Variants in KCNN3 observed in about 807,000 individuals in gnomAD.
KCNN3 encodes the protein potassium calcium-activated channel subfamily N member 3.
In KCNN3, 16 loss-of-function variants were observed where a neutral mutation model predicts 62.9. The observed-to-expected ratio is 0.25, with a 90% CI of 0.17 to 0.39. The LOEUF is 0.39. Ranked by LOEUF, KCNN3 falls within the 10% of genes least tolerant of loss-of-function variation. The probability of loss-of-function intolerance (pLI) is 1.00; values close to 1 mark genes in which losing one functional copy is unlikely to be tolerated. For synonymous variants in KCNN3, 370 were observed against 389.2 expected (o/e 0.95, Z 0.58); for missense variants, 599 against 949.4 (o/e 0.63, Z 4.85).
intron 2 of KCNN3, among the ~76,000 whole-genome samples, chr1:154,777,039 T>C (rs1220831291): frequency 1.3e-5 from 2 of 152,324 alleles, no homozygotes; most frequent in East Asian, 3.9e-4. Context: ...TAGCACTTAG[T>C]AGGTGTTCAA....
In KCNN3 at chr1:154,707,842, GAGTT is replaced by G; in HGVS notation, c.*130_*133del. On this transcript the variant is annotated 3_prime_UTR_variant, in exon 8 of 8. Coordinates refer to ENST00000271915, the MANE Select transcript of KCNN3 (RefSeq NM_002249.6). ...CGGACCAAGCACGCTGAATGAACAT[GAGTT>G]AGTTAATTAGCTCGGTCTCTCTTCT... 1.0e-6 allele frequency: 1 copy of G among 996,518 alleles called. No homozygotes were observed. The highest frequency in any genetic ancestry group is 1.6e-5 in the South Asian group (1 of 63,186). 61.7% of individuals were successfully genotyped at this position (996,518 alleles called of 1,614,324 possible).
At chr1:154,796,730 G>A (rs996375314) in intron 2 of KCNN3, among the ~76,000 whole-genome samples, 1 of 152,242 alleles carries the variant, frequency 6.6e-6, no homozygotes, top group African/African-American at 2.4e-5. Context: ...CTCACCGGTC[G>A]ATGTGCACAG....
chr1:154,778,330 G>T (rs1251455677), intron 2 of KCNN3, among the ~76,000 whole-genome samples: 1 of 152,172 alleles, frequency 6.6e-6, no homozygotes, highest in Non-Finnish European at 1.5e-5. Context: ...GCCATTGTGG[G>T]TATATAAATC....
At position 154,772,794 on chromosome 1, in the gene KCNN3, C is replaced by T. The variant is rs11264260; in HGVS notation, c.1030-401G>A. Among the ~76,000 whole-genome samples, 56 of 151,844 alleles carry T rather than the reference C, an allele frequency of 3.7e-4. No homozygotes were observed. The highest frequency in any genetic ancestry group is 1.3e-3 in the African/African-American group (54 of 41,398). ...GAGATGACTAGTGGCTGGGGTCGGTCGGGGTGGGGATCCAGGGTGGCCTCA... is the reference window on the plus strand; with the variant it reads ...GAGATGACTAGTGGCTGGGGTCGGTTGGGGTGGGGATCCAGGGTGGCCTCA... On this transcript the variant is annotated intron_variant, in intron 2 of 7. Transcript: ENST00000271915. This position sits in a 1 kb window ranked among gnomAD's most constrained non-coding sequence, Gnocchi z 5.6.
At chr1:154,770,089 T>C (rs922310866) in intron 3 of KCNN3, among the ~76,000 whole-genome samples, 1 of 152,216 alleles carries the variant, frequency 6.6e-6, no homozygotes, top group South Asian at 2.1e-4. Flanking sequence ...GGGAAGAGTG[T>C]CTGCTTACCA....
intron 3 of KCNN3, among the ~76,000 whole-genome samples, chr1:154,742,914 T>C (rs1465114716): frequency 1.3e-5 from 2 of 152,158 alleles, no homozygotes; most frequent in Admixed American, 6.5e-5. Flanking sequence ...TGCTGCTGTG[T>C]AGGAAAACAG....
intron 1 of KCNN3, among the ~76,000 whole-genome samples, chr1:154,853,091 G>A (rs572520104): frequency 2.0e-5 from 3 of 152,106 alleles, no homozygotes; most frequent in African/African-American, 7.2e-5. Context: ...CTGGGCTTAC[G>A]GGATCTTCCC....
intron 3 of KCNN3, among the ~76,000 whole-genome samples, chr1:154,750,770 C>A (rs1647333731): frequency 6.6e-6 from 1 of 152,134 alleles, no homozygotes. Context: ...CTAAATCAGC[C>A]TCATGGTGAC....
intron 1 of KCNN3, among the ~76,000 whole-genome samples, chr1:154,824,200 A>G (rs939104355): frequency 3.3e-5 from 5 of 152,176 alleles, no homozygotes; most frequent in Non-Finnish European, 5.9e-5. Context: ...TCGTCCAACT[A>G]TGGGAAAAGG....
chr1:154,724,755 G>A (rs576341782), intron 5 of KCNN3, among the ~76,000 whole-genome samples: 7 of 152,008 alleles, frequency 4.6e-5, no homozygotes, highest in Non-Finnish European at 8.8e-5. Context: ...TTCCATAATG[G>A]TTCAAGTGAG....
intron 7 of KCNN3, among the ~76,000 whole-genome samples, chr1:154,709,297 G>A (rs189630938): frequency 5.3e-5 from 8 of 152,298 alleles, no homozygotes; most frequent in Admixed American, 3.3e-4. Context: ...AGCCTCCCAC[G>A]TGTCAGGGAG....
intron 3 of KCNN3, among the ~76,000 whole-genome samples, chr1:154,764,017 C>T (rs1445890077): frequency 6.6e-6 from 1 of 152,110 alleles, no homozygotes; most frequent in African/African-American, 2.4e-5. Context: ...ATGAGAATTT[C>T]TATTCGTTTG....
At chr1:154,751,081 T>C (rs1647355500) in intron 3 of KCNN3, among the ~76,000 whole-genome samples, 1 of 152,188 alleles carries the variant, frequency 6.6e-6, no homozygotes, top group Non-Finnish European at 1.5e-5. Flanking sequence ...TGCTGCCTCT[T>C]TCTAGCCACA....
intron 1 of KCNN3, among the ~76,000 whole-genome samples, chr1:154,842,179 G>A (rs1320266702): frequency 6.6e-6 from 1 of 152,180 alleles, no homozygotes; most frequent in African/African-American, 2.4e-5. Flanking sequence ...CCCTGCAATG[G>A]GGTGGGACCC....
At position 154,781,371 on chromosome 1, in the gene KCNN3, A is replaced by T. The variant is rs185488708; in HGVS notation, c.1030-8978T>A. On this transcript the variant is annotated intron_variant, in intron 2 of 7. Coordinates refer to ENST00000271915, the MANE Select transcript of KCNN3 (RefSeq NM_002249.6). ...CTCTGGACCTCAGATTCCTCAGTGT[A>T]ATGTGAAGACTTGGATGCAATTTGT... 6.6e-5 allele frequency among the ~76,000 whole-genome samples: 10 copies of T among 152,326 alleles called. No homozygotes were observed. In the East Asian group the frequency reaches 1.9e-3, roughly 29 times the overall value.
chr1:154,759,098 A>G lies in KCNN3; in HGVS notation c.1448+12877T>C, dbSNP rs1485792649. 2.0e-5 allele frequency among the ~76,000 whole-genome samples: 3 copies of G among 152,206 alleles called. No homozygotes were observed. The East Asian group carries it at 5.8e-4, about 29-fold the overall frequency. On this transcript the variant is annotated intron_variant, in intron 3 of 7. Coordinates refer to ENST00000271915, the MANE Select transcript of KCNN3 (RefSeq NM_002249.6). ...GCTGGGATTACAGGTGTGAGCCACC[A>G]TGCCCGGCCAAAAAAAATCACATTT...
chr1:154,788,938 A>G lies in KCNN3; in HGVS notation c.1030-16545T>C, dbSNP rs561926885. 5.9e-5 allele frequency among the ~76,000 whole-genome samples: 9 copies of G among 152,324 alleles called. No homozygotes were observed. In the South Asian group the frequency reaches 1.2e-3, roughly 21 times the overall value. On this transcript the variant is annotated intron_variant, in intron 2 of 7. Transcript: ENST00000271915. ...AGGTCACACAGCTGGTAAGTGGTTT[A>G]CTCAGACCCAGGCAGTCTGGCCCCA...
At chr1:154,776,290 C>G (rs1461903345) in intron 2 of KCNN3, among the ~76,000 whole-genome samples, 1 of 152,196 alleles carries the variant, frequency 6.6e-6, no homozygotes, top group African/African-American at 2.4e-5. Flanking sequence ...CCCTGCCTGC[C>G]TCCTGGGGTT....
chr1:154,732,822 A>T (rs1283963098), intron 4 of KCNN3, among the ~76,000 whole-genome samples, 181 bp downstream of exon 4: 1 of 152,204 alleles, frequency 6.6e-6, no homozygotes, highest in African/African-American at 2.4e-5. Context: ...TTAACTGAAA[A>T]GTGAGAAACC....
Sources: gnomAD v4.1 joint callset for allele counts (sites outside exome capture counted in the v4.1 genomes callset) on GRCh38, gnomAD v4.1.1 for gene constraint, Gnocchi (gnomAD v3.1) non-coding constraint, MANE v1.5 for transcripts, NCBI Gene and HGNC (gene_info 2026-07-23, HGNC 2026-07-21) for gene names.